Variants in DEGS2 observed in about 807,000 individuals in gnomAD.
DEGS2 encodes delta 4-desaturase, sphingolipid 2, also known as sphingolipid delta(4)-desaturase/C4-monooxygenase DES2.
Under a neutral mutation model 23.8 loss-of-function variants are expected in DEGS2, and 19 were observed. The observed-to-expected ratio is 0.80, with a 90% confidence interval of 0.56 to 1.17. DEGS2 has a LOEUF of 1.17. Ranked by LOEUF, DEGS2 falls within the 50% of genes most tolerant of loss-of-function variation. DEGS2 has a pLI of 0.00. For missense variants in DEGS2, 390 were observed against 459.5 expected (o/e 0.85, Z 1.38); for synonymous variants, 218 against 213.7 (o/e 1.02, Z -0.18).
upstream of DEGS2, among the ~76,000 whole-genome samples, chr14:100,163,266 C>A (rs1378337984): frequency 1.3e-5 from 2 of 151,916 alleles, no homozygotes; most frequent in Admixed American, 6.6e-5. Flanking sequence ...CATGATGAAA[C>A]CCTGTCTCTA....
At position 100,159,500 on chromosome 14, in the gene DEGS2, G is replaced by A; in HGVS notation, c.82+6C>T. ...CCCACCGGGGTGGGCCCCGCGCGGC[G>A]CTCACCCAGTATCTCCTTGCGCCGC... On this transcript the variant is annotated splice_donor_region_variant and intron_variant, in intron 1 of 2. Transcript: ENST00000305631. The A allele has an allele frequency of 1.3e-6, 2 of 1,490,556 alleles. No individual in the cohort carries two copies. The highest frequency in any genetic ancestry group is 2.9e-5 in the East Asian group (1 of 34,990). 92.3% of individuals were successfully genotyped at this position (1,490,556 alleles called of 1,614,324 possible).
rs1889535737 is a variant in DEGS2 at position 100,149,840 on chromosome 14, C to G, written c.83-130G>C. 6 of 968,494 alleles carry G rather than the reference C, an allele frequency of 6.2e-6. No individual in the cohort carries two copies. The East Asian group carries it at 1.6e-4, about 25-fold the overall frequency. 60.0% of individuals were successfully genotyped at this position (968,494 alleles called of 1,614,324 possible). A position where few individuals can be genotyped will look rare whatever the true frequency, so the allele number is the denominator to read the frequency against. ...AGCAAACCTCGCTGGTCCCTTTGCC[C>G]CTGCACACAGGCCCTGTCCCTCGAG... On this transcript the variant is annotated intron_variant, in intron 1 of 2. Coordinates refer to ENST00000305631, the MANE Select transcript of DEGS2 (RefSeq NM_206918.3).
chr14:100,161,851 C>T (rs944620088), upstream of DEGS2, among the ~76,000 whole-genome samples: 4 of 151,658 alleles, frequency 2.6e-5, no homozygotes, highest in African/African-American at 9.7e-5. Flanking sequence ...AGGCAGATCA[C>T]CTGAGCTCAG....
rs1889468125 is a variant in DEGS2 at position 100,147,355 on chromosome 14, C to T, written c.826-448G>A. Among the ~76,000 whole-genome samples, 4 of 152,308 alleles carry T rather than the reference C, an allele frequency of 2.6e-5. No individual in the cohort carries two copies. The South Asian group carries it at 6.2e-4, about 24-fold the overall frequency. On this transcript the variant is annotated intron_variant, in intron 2 of 2. Coordinates refer to ENST00000305631, the MANE Select transcript of DEGS2 (RefSeq NM_206918.3). ...ACCCCACTGCTCGGGGGAGTTCTCC[C>T]GCAGCGCCTGCGCAGTGCTGAGTGC...
chr14:100,164,703 C>T, the DEGS2 span, among the ~76,000 whole-genome samples: 1 of 152,172 alleles, frequency 6.6e-6, no homozygotes, highest in African/African-American at 2.4e-5. Context: ...AGAAGGAAGG[C>T]ATGAGTCTTC....
In DEGS2 at chr14:100,146,663, G is replaced by C; in HGVS notation, c.*98C>G. ...ACACTCCTCGGGGACAAGGGCAGCAGTCCAGAGCACAGGAAGGAAATGTAG... is the reference window on the plus strand; with the variant it reads ...ACACTCCTCGGGGACAAGGGCAGCACTCCAGAGCACAGGAAGGAAATGTAG... On this transcript the variant is annotated 3_prime_UTR_variant, in exon 3 of 3. Transcript: ENST00000305631. 1 of 1,521,674 alleles carries C rather than the reference G, an allele frequency of 6.6e-7. No homozygotes were observed. 94.3% of individuals were successfully genotyped at this position (1,521,674 alleles called of 1,614,324 possible).
chr14:100,157,534 A>G (rs749971530), intron 1 of DEGS2, among the ~76,000 whole-genome samples: 2 of 152,198 alleles, frequency 1.3e-5, no homozygotes, highest in African/African-American at 2.4e-5. Context: ...ATGACCCCCA[A>G]GGTTCCTCCC....
Position 100,151,380 on chromosome 14 carries a change from T to C in DEGS2, c.83-1670A>G, listed in dbSNP as rs1198105786. Among the ~76,000 whole-genome samples, 6 of 152,142 alleles carry C rather than the reference T, an allele frequency of 3.9e-5. No homozygotes were observed. In the East Asian group the frequency reaches 1.2e-3, roughly 29 times the overall value. ...TTGGGAGCCACCAACTGGAAGTAAC[T>C]AAAAACTGAGCAGTGCACGAGGCAG... On this transcript the variant is annotated intron_variant, in intron 1 of 2. Coordinates refer to ENST00000305631, the MANE Select transcript of DEGS2 (RefSeq NM_206918.3).
intron 1 of DEGS2, among the ~76,000 whole-genome samples, chr14:100,156,617 C>G (rs1889662045): frequency 6.6e-6 from 1 of 152,216 alleles, no homozygotes; most frequent in Admixed American, 6.5e-5. Flanking sequence ...AGGGGTTCAG[C>G]TCCACAGCCA....
chr14:100,147,658 G>GCCCCCC (rs10709140), intron 2 of DEGS2, among the ~76,000 whole-genome samples: 8 of 81,334 alleles, frequency 9.8e-5, no homozygotes, highest in Non-Finnish European at 1.5e-4. Flanking sequence ...TGCCCTCCCT[G>GCCCCCC]CCCCCCCCCC....
At chr14:100,162,191 C>CA (rs940836876), upstream of DEGS2, among the ~76,000 whole-genome samples, 12 of 147,010 alleles carry the variant, frequency 8.2e-5, no homozygotes, top group East Asian at 8.2e-4. Context: ...ACTAAAAATA[C>CA]AAAAAAAATT....
the DEGS2 span, among the ~76,000 whole-genome samples, chr14:100,166,798 G>C: frequency 6.6e-6 from 1 of 152,180 alleles, no homozygotes; most frequent in Non-Finnish European, 1.5e-5. Context: ...TACCCACCTC[G>C]AGATCCAAGC....
chr14:100,151,193 C>T (rs1406370552), intron 1 of DEGS2, among the ~76,000 whole-genome samples: 2 of 152,212 alleles, frequency 1.3e-5, no homozygotes, highest in African/African-American at 2.4e-5. Flanking sequence ...TGTGGAGTGG[C>T]CAGCACATTA....
intron 2 of DEGS2, among the ~76,000 whole-genome samples, chr14:100,147,155 C>A (rs1889463787): frequency 6.6e-6 from 1 of 152,240 alleles, no homozygotes; most frequent in African/African-American, 2.4e-5. Context: ...TGCCAACCAC[C>A]ACTTCCTGGG....
chr14:100,154,434 T>C (rs1044823239), intron 1 of DEGS2, among the ~76,000 whole-genome samples: 9 of 151,864 alleles, frequency 5.9e-5, no homozygotes, highest in Non-Finnish European at 7.4e-5. Context: ...CAAGCCCCTG[T>C]CCCTCTCTGG....
intron 1 of DEGS2, among the ~76,000 whole-genome samples, chr14:100,156,985 TG>T (rs1889668476): frequency 6.6e-6 from 1 of 152,216 alleles, no homozygotes; most frequent in Non-Finnish European, 1.5e-5. Flanking sequence ...CCCCAAGCCC[TG>T]GCCCCAGGTG....
chr14:100,159,490 C>T lies in DEGS2; in HGVS notation c.82+16G>A, dbSNP rs751778475. On this transcript the variant is annotated intron_variant, in intron 1 of 2. Transcript: ENST00000305631. ...CGGGGCGGTCCCCACCGGGGTGGGCCCCGCGCGGCGCTCACCCAGTATCTC... is the reference window on the plus strand; with the variant it reads ...CGGGGCGGTCCCCACCGGGGTGGGCTCCGCGCGGCGCTCACCCAGTATCTC... 1.3e-6 allele frequency: 2 copies of T among 1,482,654 alleles called. No individual in the cohort carries two copies. The highest frequency in any genetic ancestry group is 2.9e-5 in the East Asian group (1 of 34,788). The allele number at this position is 1,482,654 out of a possible 1,614,324, so 91.8% of individuals were successfully genotyped here. A position where few individuals can be genotyped will look rare whatever the true frequency, so the allele number is the denominator to read the frequency against.
Position 100,146,194 on chromosome 14 carries a change from CCA to C in DEGS2, c.*565_*566del, listed in dbSNP as rs1889441934. On this transcript the variant is annotated 3_prime_UTR_variant, in exon 3 of 3. Coordinates refer to ENST00000305631, the MANE Select transcript of DEGS2 (RefSeq NM_206918.3). ...ATGACCAAAGTGAGCTTTCTGCTGT[CCA>C]CACCTCAGTGTGTGTGCACACCACA... 6.5e-6 allele frequency: 1 copy of C among 152,726 alleles called. No individual in the cohort carries two copies. Among genetic ancestry groups the C allele is most frequent in the Non-Finnish European group, 1.5e-5 (1 of 68,440 alleles). 9.5% of individuals were successfully genotyped at this position (152,726 alleles called of 1,614,324 possible).
In DEGS2 at chr14:100,146,480, G is replaced by T; in HGVS notation, c.*281C>A. The T allele has an allele frequency of 2.3e-6, 1 of 431,728 alleles. No individual in the cohort carries two copies. Among genetic ancestry groups the T allele is most frequent in the South Asian group, 3.2e-5 (1 of 31,084 alleles). The allele number at this position is 431,728 out of a possible 1,614,324, so 26.7% of individuals were successfully genotyped here. On this transcript the variant is annotated 3_prime_UTR_variant, in exon 3 of 3. Transcript: ENST00000305631. ...CACCCCGGAGAAGTCAGCTCCGTGGGAACCGTGGGCTCAGAGCACCCAGGT... is the reference window on the plus strand; with the variant it reads ...CACCCCGGAGAAGTCAGCTCCGTGGTAACCGTGGGCTCAGAGCACCCAGGT...
Sources: allele counts gnomAD v4.1 joint callset (sites outside exome capture counted in the v4.1 genomes callset), GRCh38; gene constraint gnomAD v4.1.1; transcripts MANE v1.5; gene names NCBI Gene and HGNC (gene_info 2026-07-23, HGNC 2026-07-21).